HNF4A: variants seen among roughly 807,000 people sequenced by gnomAD.
HNF4A encodes hepatocyte nuclear factor 4-alpha.
In HNF4A, 15 loss-of-function variants were observed where a neutral mutation model predicts 52.4. The observed-to-expected ratio is 0.29, with a 90% confidence interval of 0.19 to 0.44. The LOEUF (loss-of-function observed/expected upper bound fraction) is 0.44, where lower values mean the gene tolerates loss of function less well. HNF4A is among the 20% of genes least tolerant of loss of function. The pLI, the probability that HNF4A is intolerant of heterozygous loss-of-function variation, is 1.00. For missense variants in HNF4A, 479 were observed against 647.2 expected, an observed-to-expected ratio of 0.74 and a Z score of 2.82; for synonymous variants, 280 against 264.4, an observed-to-expected ratio of 1.06 and a Z score of -0.57.
intron 1 of HNF4A, 72 bp downstream of exon 1, chr20:44,355,925 C>T: frequency 7.5e-7 from 1 of 1,333,232 alleles, no homozygotes; most frequent in Non-Finnish European, 1.1e-6. Flanking sequence ...GGACACCTCC[C>T]CGTGTGTTTC....
intron 1 of HNF4A, among the ~76,000 whole-genome samples, chr20:44,404,707 G>A (rs1263446206): frequency 9.6e-6 from 1 of 104,020 alleles, no homozygotes; most frequent in Non-Finnish European, 2.1e-5. Flanking sequence ...TGTGGAGCGT[G>A]TGTGTGCTTA....
intron 1 of HNF4A, among the ~76,000 whole-genome samples, chr20:44,367,326 ACT>A (rs1409560448): frequency 7.6e-6 from 1 of 132,300 alleles, no homozygotes; most frequent in East Asian, 2.3e-4. Flanking sequence ...CAAAAGCGAA[ACT>A]CTGTCTCAAA....
rs141943140 is a variant in HNF4A at position 44,419,830 on chromosome 20, T to C, written c.846T>C (p.Asp282=). 56 of 1,614,018 alleles carry C rather than the reference T, an allele frequency of 3.5e-5. No individual in the cohort carries two copies. Among genetic ancestry groups the C allele is most frequent in the Non-Finnish European group, 4.1e-5 (48 of 1,180,020 alleles). The stretch of plus-strand genomic sequence containing the variant: ...TGCCCTTCCAGGAGCTGCAGATCGA[T>C]GACAATGAGTATGCCTACCTCAAAG... Residue 282 remains aspartate (D), a synonymous_variant, in exon 7 of 10, where the codon GAT becomes GAC. Transcript: ENST00000316099.
chr20:44,378,221 T>G (rs1028721875), intron 1 of HNF4A, among the ~76,000 whole-genome samples: 3 of 152,080 alleles, frequency 2.0e-5, no homozygotes, highest in Admixed American at 2.0e-4. Context: ...CCTTTCCTTA[T>G]CAATTTGTAG....
intron 5 of HNF4A, 85 bp downstream of exon 5, chr20:44,414,747 G>T: frequency 7.7e-7 from 1 of 1,299,178 alleles, no homozygotes; most frequent in South Asian, 1.3e-5. Flanking sequence ...ATATAGCCGT[G>T]GACTGGCTTG....
In HNF4A at chr20:44,366,608, G is replaced by A. The variant is rs187882626; in HGVS notation, c.49+10755G>A. Reference sequence around the variant, plus strand: ...TGTACTCCAACCTGGGCAACAGAGCGAGATCCTGTGTCAAAAAGAAAAAAA... The same window carrying A: ...TGTACTCCAACCTGGGCAACAGAGCAAGATCCTGTGTCAAAAAGAAAAAAA... On this transcript the variant is annotated intron_variant, in intron 1 of 9. Coordinates refer to the HNF4A transcript ENST00000316673. Among the ~76,000 whole-genome samples the A allele has an allele frequency of 1.2e-4, 19 of 152,168 alleles. No homozygotes were observed. In the East Asian group the frequency reaches 1.5e-3, roughly 12 times the overall value.
intron 7 of HNF4A, among the ~76,000 whole-genome samples, chr20:44,422,433 C>G (rs1568739509): frequency 6.6e-6 from 1 of 152,080 alleles, no homozygotes; most frequent in Non-Finnish European, 1.5e-5. Context: ...AATGAATAAG[C>G]ATGATTCAGT....
intron 1 of HNF4A, among the ~76,000 whole-genome samples, chr20:44,382,429 G>T (rs962386462): frequency 2.0e-5 from 3 of 151,900 alleles, no homozygotes; most frequent in Non-Finnish European, 4.4e-5. Context: ...AGTAGAGATG[G>T]AGTTTCACCA....
intron 7 of HNF4A, among the ~76,000 whole-genome samples, chr20:44,421,135 T>C (rs966711379): frequency 6.8e-6 from 1 of 146,268 alleles, no homozygotes; most frequent in African/African-American, 2.8e-5. Context: ...TTGCAAGTTA[T>C]GTGCTTTTAT....
chr20:44,389,012 G>A (rs2063269389), intron 1 of HNF4A, among the ~76,000 whole-genome samples: 1 of 152,224 alleles, frequency 6.6e-6, no homozygotes, highest in African/African-American at 2.4e-5. Context: ...AGTCTATCAA[G>A]TGAGACTTAG....
Position 44,418,530 on chromosome 20 carries a change from C to T in HNF4A, c.736+18C>T, listed in dbSNP as rs751211080. 2 of 1,592,536 alleles carry T rather than the reference C, an allele frequency of 1.3e-6. No homozygotes were observed. The highest frequency in any genetic ancestry group is 1.7e-6 in the Non-Finnish European group (2 of 1,164,268). On this transcript the variant is annotated intron_variant, in intron 6 of 9. Transcript: ENST00000316099. ...GCTCCTAGGTGAGGCGGCTGCCTGC[C>T]CTGGCCAGGGCTCCAGGGAGGGTAT...
Position 44,428,364 on chromosome 20 carries a change from C to T in HNF4A, c.1159C>T (p.His387Tyr). Residue 387 changes from histidine (H) to tyrosine (Y), a missense_variant, in exon 9 of 10, where the codon CAC (histidine) becomes TAC (tyrosine). His to Tyr is a moderately conservative substitution (Grantham distance 83). This residue lies in a region of HNF4A where 389 missense variants were observed against 525.1 expected (regional missense o/e 0.74). Coordinates refer to ENST00000316099, the MANE Select transcript of HNF4A (RefSeq NM_000457.6). The stretch of plus-strand genomic sequence containing the variant: ...CCCCAGCGATGCACCCCATGCCCAC[C>T]ACCCCCTGCACCCTCACCTGATGCA... The T allele has an allele frequency of 1.2e-6, 2 of 1,614,138 alleles. No individual in the cohort carries two copies. The highest frequency in any genetic ancestry group is 1.7e-6 in the Non-Finnish European group (2 of 1,180,004).
chr20:44,379,300 T>C (rs1015159333), intron 1 of HNF4A, among the ~76,000 whole-genome samples: 2 of 152,174 alleles, frequency 1.3e-5, no homozygotes, highest in African/African-American at 4.8e-5. Flanking sequence ...TTGGTTCTTT[T>C]GGGTATATAC....
intron 1 of HNF4A, among the ~76,000 whole-genome samples, chr20:44,381,508 T>C (rs1033778895): frequency 6.6e-6 from 1 of 152,084 alleles, no homozygotes; most frequent in Non-Finnish European, 1.5e-5. Flanking sequence ...GGTCTCAAAC[T>C]CCTGGCTTCA....
rs546643401 is a variant in HNF4A at position 44,401,291 on chromosome 20, G to A, written c.-82G>A. The A allele has an allele frequency of 4.4e-6, 7 of 1,605,994 alleles. No homozygotes were observed. In the African/African-American group the frequency reaches 8.0e-5, roughly 18 times the overall value. ...GAAGGCAGAGAGGGCACTGGGAGGA[G>A]GCAGTGGGAGGGCGGAGGGCGGGGG... On this transcript the variant is annotated 5_prime_UTR_variant, in exon 1 of 10. Transcript: ENST00000316099.
At chr20:44,390,505 TTGTGA>T in intron 1 of HNF4A, 1 of 626,436 alleles carries the variant, frequency 1.6e-6, no homozygotes, top group Non-Finnish European at 2.9e-6. Context: ...TGAAATCTCA[TTGTGA>T]CCAGTATTAA....
At chr20:44,372,961 T>C (rs1449550280) in intron 1 of HNF4A, 2 of 152,264 alleles carry the variant, frequency 1.3e-5, no homozygotes, top group Non-Finnish European at 2.9e-5. Context: ...ACATCCACAG[T>C]ATGACCTTGG....
In HNF4A at chr20:44,385,059, C is replaced by CTTTTTTTTTTTTTTTTTTTTT. The variant is rs775721024; in HGVS notation, c.50-20991_50-20971dup. On this transcript the variant is annotated intron_variant, in intron 1 of 9. Transcript: ENST00000316673. ...AGTGGTTTCAGCTGAACTCTGTGATCTTTTTTTTTTTTTTTTTTTTTTTTT... is the reference window on the plus strand; with the variant it reads ...AGTGGTTTCAGCTGAACTCTGTGATCTTTTTTTTTTTTTTTTTTTTTTTTTTTTTTTTTTTTTTTTTTTTTT... Among the ~76,000 whole-genome samples the CTTTTTTTTTTTTTTTTTTTTT allele has an allele frequency of 2.1e-3, 74 of 34,986 alleles. 19 individuals carry two copies. The highest frequency in any genetic ancestry group is 2.7e-3 in the South Asian group (1 of 376). 23.0% of individuals were successfully genotyped at this position (34,986 alleles called of 152,430 possible).
intron 3 of HNF4A, among the ~76,000 whole-genome samples, chr20:44,409,145 G>A (rs1435834211): frequency 6.6e-6 from 1 of 152,112 alleles, no homozygotes; most frequent in Non-Finnish European, 1.5e-5. Flanking sequence ...GGAGTGGGTG[G>A]TCCCCAAGGC....
Sources: gnomAD v4.1 joint callset for allele counts (sites outside exome capture counted in the v4.1 genomes callset) on GRCh38, gnomAD v4.1.1 for gene constraint, gnomAD v4.1.1 regional missense constraint, MANE v1.5 for transcripts, NCBI Gene and HGNC (gene_info 2026-07-23, HGNC 2026-07-21) for gene names.